Variants in SH3KBP1 observed in about 807,000 individuals in gnomAD.
SH3KBP1 encodes SH3 domain-containing kinase-binding protein 1.
SH3KBP1 carries 8 observed loss-of-function variants against 50.1 expected under a neutral mutation model. That is an observed-to-expected ratio of 0.16 (90% CI 0.09 to 0.29). The LOEUF (loss-of-function observed/expected upper bound fraction) is 0.29. Ranked by LOEUF, SH3KBP1 falls within the 10% of genes least tolerant of loss-of-function variation. The pLI is 1.00. For missense variants in SH3KBP1, 377 were observed against 535.2 expected (o/e 0.70, Z 2.92); for synonymous variants, 227 against 218.6 (o/e 1.04, Z -0.34).
At chrX:19,783,387 T>C (rs1322896366) in intron 2 of SH3KBP1, among the ~76,000 whole-genome samples, 1 of 112,064 alleles carries the variant, frequency 8.9e-6, no homozygotes, top group Non-Finnish European at 1.9e-5. Flanking sequence ...ACACTGAGCA[T>C]TTGTTCGTGC....
chrX:19,838,885 T>TAAA (rs2068134964), intron 1 of SH3KBP1, among the ~76,000 whole-genome samples: 1 of 34,533 alleles, frequency 2.9e-5, no homozygotes, highest in African/African-American at 1.6e-4. Flanking sequence ...AAACTTTGTC[T>TAAA]CAAAAAAAAA....
intron 8 of SH3KBP1, among the ~76,000 whole-genome samples, chrX:19,627,834 T>C (rs55952873): frequency 0.095 from 10,621 of 111,862 alleles, 1,115 homozygotes; most frequent in African/African-American, 0.32. Context: ...CCAAAGTAAA[T>C]GTCAGAGGAA....
chrX:19,693,222 T>G (rs1416755174), intron 5 of SH3KBP1, among the ~76,000 whole-genome samples: 1 of 111,678 alleles, frequency 9.0e-6, no homozygotes, highest in Non-Finnish European at 1.9e-5. Context: ...GTGAGCTTAC[T>G]GAAAGCAGGG....
At chrX:19,764,075 AG>A (rs2065519735) in intron 2 of SH3KBP1, among the ~76,000 whole-genome samples, 1 of 108,963 alleles carries the variant, frequency 9.2e-6, no homozygotes, top group Non-Finnish European at 1.9e-5. Flanking sequence ...TTATGGCAAA[AG>A]TTAATGCACA....
rs774823304 is a variant in SH3KBP1, at chrX:19,601,092, T to TA, written c.1006-6093dup. On this transcript the variant is annotated intron_variant, in intron 9 of 17. Coordinates refer to ENST00000397821, the MANE Select transcript of SH3KBP1 (RefSeq NM_031892.3). ...TTCTGGGAGAGCCGAATGCCTTCCA[T>TA]AGTCTTCATATATGGAGGGAGCACA... 4.1e-4 allele frequency among the ~76,000 whole-genome samples: 46 copies of TA among 111,913 alleles called. No homozygotes were observed. The South Asian group carries it at 9.4e-3, about 23-fold the overall frequency.
chrX:19,849,700 A>C (rs1368781221), intron 1 of SH3KBP1, among the ~76,000 whole-genome samples: 1 of 108,879 alleles, frequency 9.2e-6, no homozygotes, highest in East Asian at 2.9e-4. Flanking sequence ...AAAAAAAAAA[A>C]AACAGACTCA....
chrX:19,615,685 C>T (rs2067587557), intron 8 of SH3KBP1, among the ~76,000 whole-genome samples: 1 of 111,569 alleles, frequency 9.0e-6, no homozygotes, highest in Non-Finnish European at 1.9e-5. Context: ...GAATTTTCTA[C>T]ATCCCCATAA....
chrX:19,658,140 G>A (rs1364347150), intron 6 of SH3KBP1, among the ~76,000 whole-genome samples: 1 of 111,419 alleles, frequency 9.0e-6, no homozygotes, highest in African/African-American at 3.3e-5. Flanking sequence ...TAGAATGGGT[G>A]GAAAAAAAAG....
intron 2 of SH3KBP1, among the ~76,000 whole-genome samples, chrX:19,782,393 C>T (rs1241822899): frequency 9.0e-6 from 1 of 111,609 alleles, no homozygotes; most frequent in Non-Finnish European, 1.9e-5. Context: ...TTAAGCCACC[C>T]AGTTTGTGGT....
intron 7 of SH3KBP1, among the ~76,000 whole-genome samples, chrX:19,643,586 A>G (rs1424385857): frequency 9.1e-6 from 1 of 110,127 alleles, no homozygotes. Flanking sequence ...AATGTCTGTC[A>G]ATAAACATCC....
At chrX:19,721,563 T>C (rs57959302) in intron 3 of SH3KBP1, among the ~76,000 whole-genome samples, 1,682 of 112,088 alleles carry the variant, frequency 0.015, 28 homozygotes, top group African/African-American at 0.051. Flanking sequence ...ACATAATTGG[T>C]TTCCTTTGTA....
intron 9 of SH3KBP1, among the ~76,000 whole-genome samples, chrX:19,602,809 G>A (rs1026322875): frequency 1.1e-4 from 12 of 111,923 alleles, no homozygotes; most frequent in South Asian, 3.7e-4. Flanking sequence ...CAGATTTTAC[G>A]GACTGAGTTG....
chrX:19,726,121 G>A (rs1211285175), intron 3 of SH3KBP1, among the ~76,000 whole-genome samples: 1 of 111,762 alleles, frequency 8.9e-6, no homozygotes, highest in Admixed American at 9.5e-5. Context: ...TGGAGAAGAG[G>A]ACTCAATCAA....
chrX:19,721,358 A>G (rs2064053952), intron 3 of SH3KBP1, among the ~76,000 whole-genome samples: 1 of 111,734 alleles, frequency 8.9e-6, no homozygotes, highest in Non-Finnish European at 1.9e-5. Context: ...TACTAGCAGC[A>G]TCTATGAAAT....
intron 2 of SH3KBP1, among the ~76,000 whole-genome samples, chrX:19,767,776 C>T (rs2065666369): frequency 9.0e-6 from 1 of 111,237 alleles, no homozygotes; most frequent in South Asian, 3.8e-4. Context: ...CTTCTCATTT[C>T]TCCTTGCAGA....
intron 8 of SH3KBP1, among the ~76,000 whole-genome samples, chrX:19,614,792 C>T (rs574920441): frequency 3.6e-5 from 4 of 111,926 alleles, no homozygotes; most frequent in African/African-American, 6.5e-5. Context: ...ATGCCAATGC[C>T]GCTACTCCGT....
intron 6 of SH3KBP1, among the ~76,000 whole-genome samples, chrX:19,662,888 G>T (rs2062497821): frequency 9.4e-6 from 1 of 106,247 alleles, no homozygotes; most frequent in Non-Finnish European, 1.9e-5. Context: ...TAGTTAAGAT[G>T]AACCTTTTTG....
In SH3KBP1 at chrX:19,707,578, T is replaced by C. The variant is rs749284252; in HGVS notation, c.287-594A>G. On this transcript the variant is annotated intron_variant, in intron 3 of 17. Transcript: ENST00000397821. ...AAATCTACTTCTGTCCTCTTCCCTC[T>C]GTCCCAGGGGATCCATTAACAGGAT... Among the ~76,000 whole-genome samples the C allele has an allele frequency of 6.3e-5, 7 of 111,420 alleles. No homozygotes were observed. In the South Asian group the frequency reaches 2.3e-3, roughly 36 times the overall value.
intron 3 of SH3KBP1, among the ~76,000 whole-genome samples, chrX:19,723,449 T>C (rs1389627873): frequency 8.9e-6 from 1 of 111,960 alleles, no homozygotes; most frequent in African/African-American, 3.2e-5. Context: ...AATTGCAATA[T>C]AGCCTGAACA....
Sources: gnomAD v4.1 joint callset for allele counts (sites outside exome capture counted in the v4.1 genomes callset) on GRCh38, gnomAD v4.1.1 for gene constraint, MANE v1.5 for transcripts, NCBI Gene and HGNC (gene_info 2026-07-23, HGNC 2026-07-21) for gene names.